The following SIN3B variants were observed in gnomAD, a reference collection of about 807,000 sequenced individuals.
The protein encoded by SIN3B is SIN3 transcription regulator family member B.
A neutral mutation model predicts 120.2 loss-of-function variants in SIN3B; 19 were observed. The ratio of observed to expected loss-of-function variants is 0.16; its 90% CI spans 0.11 to 0.23. SIN3B has a LOEUF of 0.23. Ranked by LOEUF, SIN3B falls within the 10% of genes least tolerant of loss-of-function variation. The probability of loss-of-function intolerance (pLI) is 1.00; values close to 1 mark genes in which losing one functional copy is unlikely to be tolerated. For missense variants in SIN3B, 1,073 were observed against 1,573.0 expected, an observed-to-expected ratio of 0.68 and a Z score of 5.38; for synonymous variants, 654 against 653.2, an observed-to-expected ratio of 1.00 and a Z score of -0.02.
Position 16,851,497 on chromosome 19 carries a change from G to C in SIN3B, c.812G>C (p.Arg271Pro). 6.2e-7 allele frequency: 1 copy of C among 1,608,634 alleles called. No homozygotes were observed. Among genetic ancestry groups the C allele is most frequent in the Non-Finnish European group, 8.5e-7 (1 of 1,177,812 alleles). ...KTPEHSRKRS[R>P]PSLLRPVSAP... ...CCGGAGCACAGCAGGAAGCGCTCCC[G>C]GCCCTCGCTCCTCCGCCCCGTGTCT... is the stretch of plus-strand genomic sequence containing the variant. The change falls in exon 6 of 19, where the codon CGG becomes CCG. Residue 271 changes from arginine (R) to proline (P), a missense_variant. Physicochemically the swap from Arg to Pro is moderately radical, Grantham distance 103. This residue lies in a region of SIN3B where 395 missense variants were observed against 528.0 expected (regional missense o/e 0.75). Transcript: ENST00000248054.
chr19:16,850,719 C>T (rs1439768329), intron 5 of SIN3B, among the ~76,000 whole-genome samples: 2 of 152,182 alleles, frequency 1.3e-5, no homozygotes, highest in African/African-American at 2.4e-5. Flanking sequence ...GCGGTCTGTC[C>T]ATCGTCCCCT....
At chr19:16,859,003 A>G (rs1971652784) in intron 8 of SIN3B, among the ~76,000 whole-genome samples, 1 of 152,168 alleles carries the variant, frequency 6.6e-6, no homozygotes, top group South Asian at 2.1e-4. Context: ...AGACCTCGTC[A>G]GAAACTAGCC....
chr19:16,861,763 C>CAAAAA (rs959913779), intron 8 of SIN3B, among the ~76,000 whole-genome samples: 1 of 74,494 alleles, frequency 1.3e-5, no homozygotes, highest in Non-Finnish European at 2.6e-5. Context: ...AACTCTGTCT[C>CAAAAA]AAAAAAAAAA....
At chr19:16,868,646 G>A (rs549311540) in intron 12 of SIN3B, among the ~76,000 whole-genome samples, 54 of 152,326 alleles carry the variant, frequency 3.5e-4, no homozygotes, top group South Asian at 2.1e-3. Context: ...AGCTTGGCGC[G>A]GTGAGGCTGG....
At chr19:16,870,975 G>T (rs897990465) in intron 13 of SIN3B, among the ~76,000 whole-genome samples, 2 of 151,066 alleles carry the variant, frequency 1.3e-5, no homozygotes, top group Admixed American at 6.6e-5. Context: ...ACAGGCATGG[G>T]CCACCATGCC....
chr19:16,861,433 C>G (rs1360704329), intron 8 of SIN3B, among the ~76,000 whole-genome samples: 1 of 152,112 alleles, frequency 6.6e-6, no homozygotes, highest in Admixed American at 6.6e-5. Flanking sequence ...TCAAGACCAG[C>G]TTGGGCAACA....
At chr19:16,860,229 G>A (rs181907131) in intron 8 of SIN3B, among the ~76,000 whole-genome samples, 114 of 152,312 alleles carry the variant, frequency 7.5e-4, no homozygotes, top group African/African-American at 2.6e-3. Flanking sequence ...GTTCCTCCGC[G>A]TGTTCAACCT....
chr19:16,864,150 C>G (rs768357302), intron 10 of SIN3B, among the ~76,000 whole-genome samples: 1 of 151,858 alleles, frequency 6.6e-6, no homozygotes, highest in Non-Finnish European at 1.5e-5. Flanking sequence ...AAAAATTAGC[C>G]GGGCGTGGTG....
At chr19:16,829,929 A>T in intron 2 of SIN3B, 32 bp downstream of exon 2, 1 of 1,500,846 alleles carries the variant, frequency 6.7e-7, no homozygotes, top group African/African-American at 1.4e-5. Flanking sequence ...ACCTCAGGGG[A>T]CCCCCCTGGG....
At chr19:16,878,131 T>C in intron 17 of SIN3B, 52 bp from the exon 18 acceptor site, 1 of 1,439,260 alleles carries the variant, frequency 6.9e-7, no homozygotes, top group Non-Finnish European at 9.3e-7. Context: ...CTGCAAATCC[T>C]CCTCCCACAA....
intron 8 of SIN3B, among the ~76,000 whole-genome samples, chr19:16,857,553 G>GTATATA (rs1555742155): frequency 3.8e-4 from 53 of 139,546 alleles, no homozygotes; most frequent in African/African-American, 1.4e-3. Context: ...GTGTGTGTGT[G>GTATATA]TATATATACA....
intron 14 of SIN3B, chr19:16,872,412 GACACCC>G: frequency 6.6e-6 from 1 of 151,746 alleles, no homozygotes; most frequent in South Asian, 2.1e-4. Flanking sequence ...GCCACCCATG[GACACCC>G]ACAACCCTGA....
At chr19:16,841,181 T>G (rs1377041416) in intron 3 of SIN3B, among the ~76,000 whole-genome samples, 49 of 152,188 alleles carry the variant, frequency 3.2e-4, no homozygotes, top group Admixed American at 3.2e-3. Flanking sequence ...GAGGGCATTC[T>G]TGGTGGGTGT....
Position 16,862,989 on chromosome 19 carries a change from C to T in SIN3B, c.1266+430C>T. On this transcript the variant is annotated intron_variant, in intron 9 of 18. Coordinates refer to ENST00000248054, the MANE Select transcript of SIN3B (RefSeq NM_001297595.2). The surrounding 1 kb of genome is among the most constrained non-coding windows in gnomAD (Gnocchi z 4.7). ...AGGATATAGTGCAGGGGTCAGCAAA[C>T]TCTGGCCCACGGGCCCTGGCCCGCT... 6.2e-7 allele frequency: 1 copy of T among 1,604,424 alleles called. No individual in the cohort carries two copies. Among genetic ancestry groups the T allele is most frequent in the Non-Finnish European group, 8.5e-7 (1 of 1,171,258 alleles).
chr19:16,866,078 C>T (rs1327196195), intron 11 of SIN3B, among the ~76,000 whole-genome samples: 2 of 152,236 alleles, frequency 1.3e-5, no homozygotes, highest in African/African-American at 4.8e-5. Context: ...CAGTCCCTCT[C>T]TTGGGACTCA....
chr19:16,832,262 A>G (rs1044247552), intron 3 of SIN3B, among the ~76,000 whole-genome samples: 2 of 148,320 alleles, frequency 1.3e-5, no homozygotes, highest in Non-Finnish European at 3.0e-5. Flanking sequence ...CAGTGGCGCA[A>G]TCTCAGCTCA....
intron 4 of SIN3B, among the ~76,000 whole-genome samples, chr19:16,842,661 G>A (rs950226414): frequency 1.3e-5 from 2 of 152,144 alleles, no homozygotes; most frequent in African/African-American, 4.8e-5. Context: ...CCAGCACCAG[G>A]AGCTGGGGCT....
intron 3 of SIN3B, among the ~76,000 whole-genome samples, chr19:16,837,027 G>A (rs1014427971): frequency 2.0e-5 from 3 of 152,126 alleles, no homozygotes; most frequent in Admixed American, 6.6e-5. Context: ...GGGCAGATGC[G>A]GGTGGCGCAT....
chr19:16,873,359 G>A (rs760386846), intron 14 of SIN3B, among the ~76,000 whole-genome samples: 45 of 152,176 alleles, frequency 3.0e-4, no homozygotes, highest in African/African-American at 9.4e-4. Context: ...CTTTCCCTCC[G>A]TGTGCCCGAA....
Sources: gnomAD v4.1 joint callset for allele counts (sites outside exome capture counted in the v4.1 genomes callset) on GRCh38, gnomAD v4.1.1 for gene constraint, gnomAD v4.1.1 regional missense constraint, Gnocchi (gnomAD v3.1) non-coding constraint, MANE v1.5 for transcripts, NCBI Gene and HGNC (gene_info 2026-07-23, HGNC 2026-07-21) for gene names.